Variants in CST8 observed in about 807,000 individuals in gnomAD.
CST8 encodes cystatin-8.
In CST8, 20 loss-of-function variants were observed where a neutral mutation model predicts 11.8. That is an observed-to-expected ratio of 1.70 (90% confidence interval 1.20 to 2.47). The LOEUF (loss-of-function observed/expected upper bound fraction) is 2.47. CST8 is among the 30% of genes most tolerant of loss of function. The pLI is 0.00. For missense variants in CST8, 196 were observed against 167.2 expected, an observed-to-expected ratio of 1.17 and a Z score of -0.95; for synonymous variants, 77 against 63.1, an observed-to-expected ratio of 1.22 and a Z score of -1.05.
chr20:23,502,587 A>G, the CST8 span, among the ~76,000 whole-genome samples: 14 of 152,346 alleles, frequency 9.2e-5, no homozygotes, highest in East Asian at 2.5e-3. Flanking sequence ...GGGGTCAGTG[A>G]TGATGCTTCT....
At chr20:23,495,029 T>C (rs1988001203) in intron 3 of CST8, among the ~76,000 whole-genome samples, 1 of 152,160 alleles carries the variant, frequency 6.6e-6, no homozygotes, top group African/African-American at 2.4e-5. Flanking sequence ...GTGTTCTCAT[T>C]GTTTAGCTCT....
At chr20:23,491,417 G>A in intron 1 of CST8, 75 bp downstream of exon 1, 1 of 542,508 alleles carries the variant, frequency 1.8e-6, no homozygotes, top group Non-Finnish European at 3.3e-6. Flanking sequence ...AGGGTAAGGA[G>A]GGGAGGCTGG....
At chr20:23,506,622 A>G in the CST8 span, among the ~76,000 whole-genome samples, 5 of 152,298 alleles carry the variant, frequency 3.3e-5, no homozygotes, top group African/African-American at 1.2e-4. Flanking sequence ...CTGTAAGACA[A>G]CACATAATAG....
At chr20:23,494,979 C>T (rs1488746884) in intron 3 of CST8, among the ~76,000 whole-genome samples, 3 of 152,084 alleles carry the variant, frequency 2.0e-5, no homozygotes, top group Non-Finnish European at 4.4e-5. Flanking sequence ...CTCCATTCTC[C>T]AGGAGGCCCC....
At chr20:23,493,725 A>G (rs1487222983) in intron 3 of CST8, among the ~76,000 whole-genome samples, 1 of 152,208 alleles carries the variant, frequency 6.6e-6, no homozygotes, top group Non-Finnish European at 1.5e-5. Flanking sequence ...CTCATAGGCC[A>G]GTACTTGGTC....
chr20:23,506,645 T>A, the CST8 span, among the ~76,000 whole-genome samples: 3 of 151,884 alleles, frequency 2.0e-5, no homozygotes, highest in African/African-American at 7.3e-5. Context: ...TAGCAAAAAA[T>A]AAAAAAATAA....
chr20:23,501,588 G>A, the CST8 span, among the ~76,000 whole-genome samples: 1 of 152,220 alleles, frequency 6.6e-6, no homozygotes, highest in South Asian at 2.1e-4. Context: ...TGATGGACAT[G>A]CACCTTGGCC....
chr20:23,494,969 C>T (rs1179423922), intron 3 of CST8, among the ~76,000 whole-genome samples: 1 of 152,144 alleles, frequency 6.6e-6, no homozygotes, highest in Non-Finnish European at 1.5e-5. Flanking sequence ...CTCCCCCGCC[C>T]TCCATTCTCC....
rs376287768 is a variant in CST8 at position 23,491,807 on chromosome 20, A to T, written c.140A>T (p.Gln47Leu). 58 of 1,614,228 alleles carry T rather than the reference A, an allele frequency of 3.6e-5. No homozygotes were observed. The South Asian group carries it at 4.7e-4, about 13-fold the overall frequency. ...AATGCCTCAAATGCCAACGTGAAGC[A>T]GTGTCTGTGGTTTGCCATGCAAGAA... is the stretch of plus-strand genomic sequence containing the variant. ...PVNASNANVK[Q>L]CLWFAMQEYN... Residue 47 changes from glutamine (Q) to leucine (L), a missense_variant, in exon 2 of 4, where the codon CAG becomes CTG. Physicochemically the swap from Gln to Leu is moderately radical, Grantham distance 113. Transcript: ENST00000246012.
downstream of CST8, among the ~76,000 whole-genome samples, chr20:23,496,907 C>A (rs887289569): frequency 2.0e-5 from 3 of 152,208 alleles, no homozygotes; most frequent in African/African-American, 7.2e-5. Context: ...TTAAGGTTAT[C>A]TCTCTTGTTC....
chr20:23,495,540 A>G (rs1988015463), intron 3 of CST8, among the ~76,000 whole-genome samples: 1 of 152,222 alleles, frequency 6.6e-6, no homozygotes, highest in South Asian at 2.1e-4. Flanking sequence ...ATTAAAGGGA[A>G]TTAAACATAA....
At chr20:23,501,128 G>T in the CST8 span, among the ~76,000 whole-genome samples, 4 of 152,156 alleles carry the variant, frequency 2.6e-5, no homozygotes, top group Non-Finnish European at 1.5e-5. Context: ...CAGCAGAAAA[G>T]ATCTCCCCAG....
downstream of CST8, among the ~76,000 whole-genome samples, chr20:23,499,797 G>A (rs773624669): frequency 1.3e-5 from 2 of 152,212 alleles, no homozygotes; most frequent in Non-Finnish European, 2.9e-5. Context: ...CAGGGCAGTG[G>A]GGACCTTGCT....
At chr20:23,503,003 T>A in the CST8 span, among the ~76,000 whole-genome samples, 2 of 152,152 alleles carry the variant, frequency 1.3e-5, no homozygotes, top group African/African-American at 4.8e-5. Context: ...ACCTTTTTTT[T>A]AAAGGAGCAA....
chr20:23,491,653 C>T lies in CST8; in HGVS notation c.-15C>T, dbSNP rs1411590731. 1.2e-6 allele frequency: 2 copies of T among 1,606,352 alleles called. No homozygotes were observed. Among genetic ancestry groups the T allele is most frequent in the African/African-American group, 2.7e-5 (2 of 74,712 alleles). ...ACGAGGAGGAGAGTCGACTTTGCCT[C>T]TTGCCCAAGGGACCATGCCCAGGTG... On this transcript the variant is annotated 5_prime_UTR_variant, in exon 2 of 4. Coordinates refer to ENST00000246012, the MANE Select transcript of CST8 (RefSeq NM_005492.4).
chr20:23,505,995 GTT>G, the CST8 span, among the ~76,000 whole-genome samples: 15,422 of 147,312 alleles, frequency 0.1, 836 homozygotes, highest in East Asian at 0.21. Context: ...AAATCTCCTA[GTT>G]TTTTTTTTTT....
intron 3 of CST8, among the ~76,000 whole-genome samples, chr20:23,495,533 A>G (rs1408140121): frequency 6.6e-6 from 1 of 152,208 alleles, no homozygotes; most frequent in African/African-American, 2.4e-5. Flanking sequence ...ACATTGTATT[A>G]AAGGGAATTA....
Position 23,491,541 on chromosome 20 carries a change from A to G in CST8, c.-127A>G. 2 of 728,470 alleles carry G rather than the reference A, an allele frequency of 2.7e-6. No individual in the cohort carries two copies. Among genetic ancestry groups the G allele is most frequent in the Admixed American group, 4.4e-5 (2 of 45,384 alleles). The allele number at this position is 728,470 out of a possible 1,614,324, so 45.1% of individuals were successfully genotyped here. A position where few individuals can be genotyped will look rare whatever the true frequency, so the allele number is the denominator to read the frequency against. On this transcript the variant is annotated 5_prime_UTR_variant, in exon 2 of 4. Coordinates refer to ENST00000246012, the MANE Select transcript of CST8 (RefSeq NM_005492.4). Reference sequence around the variant, plus strand: ...TGAATCCAGCTGGGCTGACGCTAACAGGAGGCAGTGTGTGGCTCGAAGATT... The same window carrying G: ...TGAATCCAGCTGGGCTGACGCTAACGGGAGGCAGTGTGTGGCTCGAAGATT...
the CST8 span, among the ~76,000 whole-genome samples, chr20:23,507,115 G>T: frequency 3.3e-5 from 5 of 151,908 alleles, no homozygotes; most frequent in African/African-American, 1.2e-4. Flanking sequence ...ACTCCCAATT[G>T]GTCTTTCTAC....
Sources: gnomAD v4.1 joint callset for allele counts (sites outside exome capture counted in the v4.1 genomes callset) on GRCh38, gnomAD v4.1.1 for gene constraint, MANE v1.5 for transcripts, NCBI Gene and HGNC (gene_info 2026-07-23, HGNC 2026-07-21) for gene names.